AFF2: variants seen among roughly 807,000 people sequenced by gnomAD.
The protein encoded by AFF2 is AF4/FMR2 family member 2.
A neutral mutation model predicts 76.9 loss-of-function variants in AFF2; 14 were observed. The observed-to-expected ratio is 0.18, with a 90% CI of 0.12 to 0.28. The LOEUF (loss-of-function observed/expected upper bound fraction) is 0.28, where lower values mean the gene tolerates loss of function less well. Among genes scored for constraint, AFF2 ranks in the 10% least tolerant of loss-of-function variants. AFF2 has a pLI of 1.00. For synonymous variants in AFF2, 398 were observed against 366.7 expected, an observed-to-expected ratio of 1.09 and a Z score of -0.98; for missense variants, 868 against 1,001.1, an observed-to-expected ratio of 0.87 and a Z score of 1.79.
chrX:148,904,403 A>T (rs1022556447), intron 9 of AFF2, 145 bp downstream of exon 9: 2 of 426,297 alleles, frequency 4.7e-6, no homozygotes, highest in Non-Finnish European at 8.0e-6. Context: ...AAGCCAAAAA[A>T]ATCCTCCAAT....
intron 1 of AFF2, among the ~76,000 whole-genome samples, chrX:148,535,610 A>G (rs2052775759): frequency 8.9e-6 from 1 of 112,597 alleles, no homozygotes; most frequent in Non-Finnish European, 1.9e-5. Context: ...AATATTTTTT[A>G]TTATTTTTCT....
chrX:148,603,745 T>C (rs1351558492), intron 1 of AFF2, among the ~76,000 whole-genome samples: 1 of 110,638 alleles, frequency 9.0e-6, no homozygotes, highest in Non-Finnish European at 1.9e-5. Context: ...TTTGTTTTTT[T>C]TTTCCAGGGA....
intron 3 of AFF2, among the ~76,000 whole-genome samples, chrX:148,798,389 C>T (rs1227521591): frequency 1.8e-5 from 2 of 112,201 alleles, no homozygotes; most frequent in Admixed American, 1.9e-4. Flanking sequence ...CATAGCACTC[C>T]CTGTGGACAG....
rs1569551676 is a variant in AFF2 at position 148,581,568 on chromosome X, G to GTATACGTGTACACACATA, written c.48-70424_48-70423insGTACACACATATATACGT. Among the ~76,000 whole-genome samples the GTATACGTGTACACACATA allele has an allele frequency of 3.1e-4, 14 of 45,472 alleles. 1 individual carries two copies. Among genetic ancestry groups the GTATACGTGTACACACATA allele is most frequent in the African/African-American group, 1.1e-3 (13 of 11,631 alleles). The allele number at this position is 45,472 out of a possible 115,157, so 39.5% of individuals were successfully genotyped here. ...CGTCTACGTGTACACACATATATAC[G>GTATACGTGTACACACATA]TATACGTATACGTGTACACACATAT... On this transcript the variant is annotated intron_variant, in intron 1 of 20. Coordinates refer to ENST00000370460, the MANE Select transcript of AFF2 (RefSeq NM_002025.4).
rs10675200 is a variant in AFF2 at position 148,701,012 on chromosome X, ATGTGTGTGTGTGTGTGTGTGTGTGTG to A, written c.1041+38260_1041+38285del. 5.0e-4 allele frequency among the ~76,000 whole-genome samples: 37 copies of A among 73,732 alleles called. No individual in the cohort carries two copies. The East Asian group carries it at 0.015, about 30-fold the overall frequency. The allele number at this position is 73,732 out of a possible 115,157, so 64.0% of individuals were successfully genotyped here. Reference sequence around the variant, plus strand: ...AGAGAGAGAGAGAGAGAGAGAGAGAATGTGTGTGTGTGTGTGTGTGTGTGTGTGTGTGTGTGTGTGTTTTGTGCCCA... The same window carrying A: ...AGAGAGAGAGAGAGAGAGAGAGAGAATGTGTGTGTGTGTGTTTTGTGCCCA... On this transcript the variant is annotated intron_variant, in intron 3 of 20. Coordinates refer to ENST00000370460, the MANE Select transcript of AFF2 (RefSeq NM_002025.4).
intron 2 of AFF2, among the ~76,000 whole-genome samples, chrX:148,658,829 T>C (rs1460706885): frequency 8.9e-6 from 1 of 112,531 alleles, no homozygotes; most frequent in African/African-American, 3.2e-5. Flanking sequence ...TTTTGCCTTC[T>C]ATTATGTACC....
At chrX:148,971,335 C>A (rs1410479209) in intron 15 of AFF2, among the ~76,000 whole-genome samples, 1 of 98,852 alleles carries the variant, frequency 1.0e-5, no homozygotes, top group Non-Finnish European at 2.0e-5. Context: ...GGCTTTATGC[C>A]CAAAGGAAAA....
chrX:148,924,309 G>T (rs1205217622), intron 9 of AFF2, among the ~76,000 whole-genome samples: 1 of 111,898 alleles, frequency 8.9e-6, no homozygotes, highest in Admixed American at 9.5e-5. Context: ...GAGATAGTGA[G>T]ATTTGTAGAA....
At chrX:148,761,997 A>G (rs1490373554) in intron 3 of AFF2, among the ~76,000 whole-genome samples, 6 of 109,759 alleles carry the variant, frequency 5.5e-5, no homozygotes, top group Admixed American at 9.9e-5. Context: ...ATATAGATAT[A>G]GATATAGATA....
intron 1 of AFF2, among the ~76,000 whole-genome samples, chrX:148,580,851 A>G (rs1459329395): frequency 9.3e-6 from 1 of 108,043 alleles, no homozygotes; most frequent in Admixed American, 1.0e-4. Flanking sequence ...TTATACTATT[A>G]TTACAGCTCT....
chrX:148,505,629 G>A (rs1367832396), intron 1 of AFF2, among the ~76,000 whole-genome samples: 1 of 111,281 alleles, frequency 9.0e-6, no homozygotes, highest in Non-Finnish European at 1.9e-5. Context: ...TGCAAAATTT[G>A]CACTTATTTA....
chrX:148,967,549 G>A, intron 14 of AFF2, 80 bp from the exon 15 acceptor site: 1 of 928,129 alleles, frequency 1.1e-6, no homozygotes, highest in South Asian at 2.2e-5. Flanking sequence ...TAAATTTATA[G>A]CAGAAAAGGT....
At chrX:148,842,245 G>T (rs1048700336) in intron 5 of AFF2, among the ~76,000 whole-genome samples, 5 of 112,464 alleles carry the variant, frequency 4.4e-5, no homozygotes, top group South Asian at 7.3e-4. Flanking sequence ...AGTTTTGTCA[G>T]TATCCACACA....
intron 1 of AFF2, among the ~76,000 whole-genome samples, chrX:148,551,945 C>A (rs2052998988): frequency 8.9e-6 from 1 of 112,515 alleles, no homozygotes; most frequent in African/African-American, 3.2e-5. Context: ...TCCATGACTA[C>A]TGACTAGTCC....
intron 1 of AFF2, among the ~76,000 whole-genome samples, chrX:148,651,389 C>G (rs957441649): frequency 8.9e-6 from 1 of 112,092 alleles, no homozygotes; most frequent in Non-Finnish European, 1.9e-5. Context: ...AAAAGGCTTC[C>G]ATTCACTTTT....
intron 3 of AFF2, among the ~76,000 whole-genome samples, chrX:148,670,679 A>G (rs241118): frequency 0.2 from 22,105 of 110,594 alleles, 1,659 homozygotes; most frequent in African/African-American, 0.23. Context: ...GACCATTGCC[A>G]TCATCAATTC....
intron 2 of AFF2, among the ~76,000 whole-genome samples, chrX:148,660,353 G>C (rs1240776142): frequency 9.0e-6 from 1 of 111,131 alleles, no homozygotes; most frequent in Non-Finnish European, 1.9e-5. Context: ...GCTTGCCAGG[G>C]TTCTCTGCCA....
chrX:148,511,001 A>T (rs1371575431), intron 1 of AFF2, among the ~76,000 whole-genome samples: 1 of 112,039 alleles, frequency 8.9e-6, no homozygotes, highest in African/African-American at 3.2e-5. Context: ...TGCCTTCTGT[A>T]CATACTTTTC....
intron 8 of AFF2, among the ~76,000 whole-genome samples, chrX:148,899,945 T>C (rs1209293610): frequency 9.1e-6 from 1 of 110,336 alleles, no homozygotes; most frequent in Non-Finnish European, 1.9e-5. Flanking sequence ...TCACATTTTC[T>C]ATAAATATAT....
Sources: gnomAD v4.1 joint callset for allele counts (sites outside exome capture counted in the v4.1 genomes callset) on GRCh38, gnomAD v4.1.1 for gene constraint, MANE v1.5 for transcripts, NCBI Gene and HGNC (gene_info 2026-07-23, HGNC 2026-07-21) for gene names.